Variants in LRFN5 observed in about 807,000 individuals in gnomAD.
The protein encoded by LRFN5 is leucine-rich repeat and fibronectin type-III domain-containing protein 5.
In LRFN5, 24 loss-of-function variants were observed where a neutral mutation model predicts 45.6. The observed-to-expected ratio is 0.53, with a 90% confidence interval of 0.38 to 0.74. LRFN5 has a LOEUF of 0.74. Among genes scored for constraint, LRFN5 ranks in the 30% least tolerant of loss-of-function variants. The probability of loss-of-function intolerance (pLI) is 0.00; values close to 1 mark genes in which losing one functional copy is unlikely to be tolerated. For missense variants in LRFN5, 776 were observed against 861.5 expected (o/e 0.90, Z 1.24); for synonymous variants, 340 against 313.8 (o/e 1.08, Z -0.88).
intron 2 of LRFN5, among the ~76,000 whole-genome samples, chr14:41,796,313 A>T (rs1278332076): frequency 6.6e-6 from 1 of 152,002 alleles, no homozygotes; most frequent in African/African-American, 2.4e-5. Flanking sequence ...TAAACTTGTT[A>T]TTCAGATATT....
chr14:41,769,101 A>G (rs1208574659), intron 2 of LRFN5, among the ~76,000 whole-genome samples: 3 of 151,976 alleles, frequency 2.0e-5, no homozygotes, highest in Non-Finnish European at 2.9e-5. Flanking sequence ...AACAGAAAGT[A>G]AACACGTTCC....
chr14:41,609,168 A>G (rs569739834), intron 1 of LRFN5, among the ~76,000 whole-genome samples: 29 of 152,146 alleles, frequency 1.9e-4, no homozygotes, highest in Non-Finnish European at 3.7e-4. Context: ...ATGGTGTTTA[A>G]CTGCCAGGAC....
At chr14:41,717,398 T>C (rs1883535813) in intron 1 of LRFN5, among the ~76,000 whole-genome samples, 1 of 152,214 alleles carries the variant, frequency 6.6e-6, no homozygotes. Context: ...TGAAAGCTAA[T>C]TTTTTCTATG....
intron 2 of LRFN5, among the ~76,000 whole-genome samples, chr14:41,818,763 G>T (rs1888009487): frequency 6.6e-6 from 1 of 151,984 alleles, no homozygotes; most frequent in Non-Finnish European, 1.5e-5. Flanking sequence ...AAATAGATTT[G>T]TGGGCACACT....
At chr14:41,901,016 T>C (rs577965830) in intron 5 of LRFN5, among the ~76,000 whole-genome samples, 27 of 152,252 alleles carry the variant, frequency 1.8e-4, no homozygotes, top group African/African-American at 6.3e-4. Flanking sequence ...AAACACTTAT[T>C]TCATTTCCAT....
At chr14:41,752,482 T>C (rs1349522360) in intron 1 of LRFN5, among the ~76,000 whole-genome samples, 2 of 152,180 alleles carry the variant, frequency 1.3e-5, no homozygotes, top group African/African-American at 4.8e-5. Flanking sequence ...TGATATCTCA[T>C]TGTGGTTTTG....
chr14:41,844,329 C>T (rs948424479), intron 2 of LRFN5, among the ~76,000 whole-genome samples: 8 of 150,572 alleles, frequency 5.3e-5, no homozygotes, highest in South Asian at 2.1e-4. Flanking sequence ...CCCAGCTACT[C>T]GGGAGGCTGA....
At chr14:41,630,705 A>T (rs1262101844) in intron 1 of LRFN5, among the ~76,000 whole-genome samples, 2 of 152,134 alleles carry the variant, frequency 1.3e-5, no homozygotes, top group African/African-American at 4.8e-5. Flanking sequence ...CATTTAACAC[A>T]TAACTGCTTC....
At chr14:41,648,240 TGAAGTGTTCAAGAAAAAAATTGACATTG>T (rs939595901) in intron 1 of LRFN5, among the ~76,000 whole-genome samples, 4 of 152,142 alleles carry the variant, frequency 2.6e-5, no homozygotes, top group African/African-American at 9.7e-5. Flanking sequence ...AAATTGTTCT[TGAAGTGTTCAAGAAAAAAATTGACATTG>T]GAAATGAAGA....
At chr14:41,624,826 A>G (rs1888266881) in intron 1 of LRFN5, among the ~76,000 whole-genome samples, 1 of 152,130 alleles carries the variant, frequency 6.6e-6, no homozygotes, top group African/African-American at 2.4e-5. Flanking sequence ...GCACGTAGAC[A>G]TTCACAGGAT....
chr14:41,815,112 A>G (rs999532753), intron 2 of LRFN5, among the ~76,000 whole-genome samples: 1 of 152,262 alleles, frequency 6.6e-6, no homozygotes, highest in Middle Eastern at 3.4e-3. Context: ...TGCCTTCTGG[A>G]TCTGTTTATT....
chr14:41,902,563 C>T (rs1257825264), intron 5 of LRFN5, among the ~76,000 whole-genome samples: 1 of 151,728 alleles, frequency 6.6e-6, no homozygotes, highest in Non-Finnish European at 1.5e-5. Context: ...CAAATATAAA[C>T]CATAATTTTA....
chr14:41,853,194 A>C (rs893694784), intron 2 of LRFN5, among the ~76,000 whole-genome samples: 1 of 152,038 alleles, frequency 6.6e-6, no homozygotes, highest in African/African-American at 2.4e-5. Context: ...TGAATTTTTC[A>C]AATAAATTGT....
intron 1 of LRFN5, among the ~76,000 whole-genome samples, chr14:41,710,777 AC>A (rs1384453336): frequency 6.6e-6 from 1 of 150,528 alleles, no homozygotes; most frequent in Non-Finnish European, 1.5e-5. Flanking sequence ...CCGTCCCCCG[AC>A]CCCACGACAG....
chr14:41,697,708 C>A (rs1388149855), intron 1 of LRFN5, among the ~76,000 whole-genome samples: 10 of 149,928 alleles, frequency 6.7e-5, no homozygotes, highest in African/African-American at 2.5e-4. Flanking sequence ...TTATTTTCAA[C>A]ATTCCTATGT....
intron 2 of LRFN5, among the ~76,000 whole-genome samples, chr14:41,773,196 A>T (rs962073497): frequency 1.3e-5 from 2 of 151,964 alleles, no homozygotes; most frequent in Non-Finnish European, 1.5e-5. Flanking sequence ...AGGCACAAAG[A>T]CCTTTCTGTT....
intron 2 of LRFN5, among the ~76,000 whole-genome samples, chr14:41,788,374 GT>G (rs5808152): frequency 0.53 from 80,728 of 151,366 alleles, 22,076 homozygotes; most frequent in East Asian, 0.91. Flanking sequence ...ATCTTTTCTG[GT>G]TTTTTGTCCT....
intron 5 of LRFN5, 21 bp downstream of exon 5, chr14:41,898,981 A>G (rs1478994227): frequency 6.3e-7 from 1 of 1,586,276 alleles, no homozygotes; most frequent in African/African-American, 1.4e-5. Context: ...TATTACCTAT[A>G]ACTTACTTCA....
intron 1 of LRFN5, among the ~76,000 whole-genome samples, chr14:41,624,665 T>TA (rs1439152212): frequency 6.6e-6 from 1 of 152,104 alleles, no homozygotes; most frequent in Non-Finnish European, 1.5e-5. Context: ...GAAATACTGT[T>TA]ACTCTACATT....
Sources: allele counts gnomAD v4.1 joint callset (sites outside exome capture counted in the v4.1 genomes callset), GRCh38; gene constraint gnomAD v4.1.1; transcripts MANE v1.5; gene names NCBI Gene and HGNC (gene_info 2026-07-23, HGNC 2026-07-21).